The following FAM168B variants were observed in gnomAD, a reference collection of about 807,000 sequenced individuals.
FAM168B encodes the protein family with sequence similarity 168 member B.
In FAM168B, 19 loss-of-function variants were observed where a neutral mutation model predicts 21.8. That is an observed-to-expected ratio of 0.87 (90% CI 0.61 to 1.28). The LOEUF is 1.28. FAM168B is among the 50% of genes most tolerant of loss of function. FAM168B has a pLI of 0.00. For synonymous variants in FAM168B, 126 were observed against 104.8 expected (o/e 1.20, Z -1.24); for missense variants, 233 against 263.1 (o/e 0.89, Z 0.79).
At chr2:131,064,338 G>A (rs1286371044) in intron 3 of FAM168B, among the ~76,000 whole-genome samples, 3 of 152,030 alleles carry the variant, frequency 2.0e-5, no homozygotes, top group African/African-American at 7.2e-5. Context: ...TCAGAAGCCT[G>A]AAGTACATGT....
chr2:131,050,951 G>C lies in FAM168B; in HGVS notation c.*1514C>G. On this transcript the variant is annotated 3_prime_UTR_variant, in exon 7 of 7. Coordinates refer to ENST00000389915, the MANE Select transcript of FAM168B (RefSeq NM_001009993.4). Reference sequence around the variant, plus strand: ...CCCACTCTGACCCTCACTGAGAACCGACATGCACTCTCATGGATACAGGAC... The same window carrying C: ...CCCACTCTGACCCTCACTGAGAACCCACATGCACTCTCATGGATACAGGAC... 1 of 985,590 alleles carries C rather than the reference G, an allele frequency of 1.0e-6. No individual in the cohort carries two copies. 61.1% of individuals were successfully genotyped at this position (985,590 alleles called of 1,614,324 possible).
Position 131,073,285 on chromosome 2 carries a change from G to C in FAM168B, c.71-1347C>G, listed in dbSNP as rs536625396. ...TTTTTGTATTTTTAGTAGAGATGGG[G>C]TTTTGCCATGCTGGCCAGGCTGGTC... On this transcript the variant is annotated intron_variant, in intron 2 of 6. Coordinates refer to ENST00000389915, the MANE Select transcript of FAM168B (RefSeq NM_001009993.4). Among the ~76,000 whole-genome samples, 67 of 152,188 alleles carry C rather than the reference G, an allele frequency of 4.4e-4. No individual in the cohort carries two copies. In the East Asian group the frequency reaches 6.8e-3, roughly 15 times the overall value.
In FAM168B at chr2:131,048,533, A is replaced by C. The variant is rs1691437936; in HGVS notation, c.*3932T>G. On this transcript the variant is annotated 3_prime_UTR_variant, in exon 7 of 7. Transcript: ENST00000389915. ...CTCTCTTCTTCAAATAATGAGTAGG[A>C]AAAAGAGACAAACTTTCTGAAACAT... The C allele has an allele frequency of 8.9e-7, 1 of 1,120,396 alleles. No homozygotes were observed. 69.4% of individuals were successfully genotyped at this position (1,120,396 alleles called of 1,614,324 possible).
chr2:131,091,931 C>T (rs1425265823), intron 1 of FAM168B, among the ~76,000 whole-genome samples: 8 of 150,448 alleles, frequency 5.3e-5, no homozygotes, highest in Non-Finnish European at 1.2e-4. Flanking sequence ...AGATTGGGAC[C>T]ATCCTGGCTA....
At chr2:131,059,436 G>A (rs1573759539) in intron 3 of FAM168B, among the ~76,000 whole-genome samples, 2 of 152,104 alleles carry the variant, frequency 1.3e-5, no homozygotes, top group Non-Finnish European at 2.9e-5. Flanking sequence ...AGACACCAGC[G>A]GGTACCTTCA....
chr2:131,092,503 A>G lies in FAM168B; in HGVS notation c.-12+711T>C, dbSNP rs906878504. On this transcript the variant is annotated intron_variant, in intron 1 of 6. Coordinates refer to ENST00000389915, the MANE Select transcript of FAM168B (RefSeq NM_001009993.4). Reference sequence around the variant, plus strand: ...GATGACCTGAAAGTTTAAGGAGTGGAAACTATATAAACCTTTTTATTTATA... The same window carrying G: ...GATGACCTGAAAGTTTAAGGAGTGGGAACTATATAAACCTTTTTATTTATA... Among the ~76,000 whole-genome samples, 30 of 152,256 alleles carry G rather than the reference A, an allele frequency of 2.0e-4. 1 individual carries two copies. Among genetic ancestry groups the G allele is most frequent in the Non-Finnish European group, 4.1e-4 (28 of 68,048 alleles).
rs1484981962 is a variant in FAM168B, at chr2:131,049,711, T to C, written c.*2754A>G. 1.0e-6 allele frequency: 1 copy of C among 985,872 alleles called. No individual in the cohort carries two copies. Among genetic ancestry groups the C allele is most frequent in the Non-Finnish European group, 1.2e-6 (1 of 829,942 alleles). 61.1% of individuals were successfully genotyped at this position (985,872 alleles called of 1,614,324 possible). On this transcript the variant is annotated 3_prime_UTR_variant, in exon 7 of 7. Coordinates refer to ENST00000389915, the MANE Select transcript of FAM168B (RefSeq NM_001009993.4). ...CTAGGTCCTTTGCTTACCTGCTGTC[T>C]CAACTTCTAAAAGAATAGTAATTCA...
At chr2:131,075,630 G>A (rs900193791) in intron 2 of FAM168B, among the ~76,000 whole-genome samples, 6 of 152,142 alleles carry the variant, frequency 3.9e-5, no homozygotes, top group African/African-American at 1.2e-4. Flanking sequence ...GAGTGGCTAG[G>A]ACTACAGGGG....
At chr2:131,072,546 A>T (rs1329704585) in intron 2 of FAM168B, among the ~76,000 whole-genome samples, 4 of 150,198 alleles carry the variant, frequency 2.7e-5, no homozygotes, top group Admixed American at 6.6e-5. Flanking sequence ...GGCTCACTGC[A>T]ACCTCCGTTT....
In FAM168B at chr2:131,048,412, G is replaced by T. The variant is rs1191002895; in HGVS notation, c.*4053C>A. 7.9e-6 allele frequency: 10 copies of T among 1,262,180 alleles called. No individual in the cohort carries two copies. The highest frequency in any genetic ancestry group is 1.0e-5 in the Non-Finnish European group (10 of 963,140). 78.2% of individuals were successfully genotyped at this position (1,262,180 alleles called of 1,614,324 possible). On this transcript the variant is annotated 3_prime_UTR_variant, in exon 7 of 7. Transcript: ENST00000389915. Reference sequence around the variant, plus strand: ...CACCACCCTTCTGCAGGCCCGGGGGGGGGTCCCTACACAGACGCCGCTCAT... The same window carrying T: ...CACCACCCTTCTGCAGGCCCGGGGGTGGGTCCCTACACAGACGCCGCTCAT...
intron 1 of FAM168B, among the ~76,000 whole-genome samples, chr2:131,084,258 C>T (rs1456655696): frequency 2.8e-5 from 4 of 143,234 alleles, no homozygotes; most frequent in Non-Finnish European, 6.1e-5. Context: ...GGCACAATCT[C>T]AGCTCACTGC....
At chr2:131,077,351 G>A (rs1174628170) in intron 2 of FAM168B, among the ~76,000 whole-genome samples, 1 of 152,134 alleles carries the variant, frequency 6.6e-6, no homozygotes, top group Non-Finnish European at 1.5e-5. Context: ...AAGTATGTGG[G>A]TCAACAGTCT....
chr2:131,070,708 A>G (rs1692830255), intron 3 of FAM168B, among the ~76,000 whole-genome samples: 1 of 152,248 alleles, frequency 6.6e-6, no homozygotes, highest in Admixed American at 6.5e-5. Flanking sequence ...TCCATACAAC[A>G]AAATACTACC....
chr2:131,055,225 G>C, intron 5 of FAM168B, 47 bp downstream of exon 5: 1 of 1,440,598 alleles, frequency 6.9e-7, no homozygotes, highest in East Asian at 2.7e-5. Flanking sequence ...CCCTCCCCCA[G>C]CTCTAGGGTA....
chr2:131,081,305 G>C (rs991597431), intron 2 of FAM168B, among the ~76,000 whole-genome samples: 9 of 152,156 alleles, frequency 5.9e-5, no homozygotes, highest in African/African-American at 2.2e-4. Context: ...CCTCTTACTT[G>C]ATGGGAGGCA....
At chr2:131,084,473 T>A (rs2105579618) in intron 1 of FAM168B, among the ~76,000 whole-genome samples, 1 of 152,264 alleles carries the variant, frequency 6.6e-6, no homozygotes, top group South Asian at 2.1e-4. Context: ...TAGATGGGAC[T>A]ACAGGTGTGT....
At position 131,091,648 on chromosome 2, in the gene FAM168B, C is replaced by CA. The variant is rs560911182; in HGVS notation, c.-12+1565dup. Among the ~76,000 whole-genome samples the CA allele has an allele frequency of 7.8e-4, 98 of 125,192 alleles. 1 individual carries two copies. The highest frequency in any genetic ancestry group is 4.2e-3 in the Middle Eastern group (1 of 240). 82.1% of individuals were successfully genotyped at this position (125,192 alleles called of 152,430 possible). On this transcript the variant is annotated intron_variant, in intron 1 of 6. Transcript: ENST00000389915. ...GGCGACAGAGCGACACTCCGTCTCA[C>CA]AAAAAAAAAAAAGAAAAAAGAAAAG...
At chr2:131,088,312 G>A (rs550449519) in intron 1 of FAM168B, among the ~76,000 whole-genome samples, 5 of 152,022 alleles carry the variant, frequency 3.3e-5, no homozygotes, top group Admixed American at 6.6e-5. Context: ...GCAGGAGTAG[G>A]AGGGAATATG....
intron 3 of FAM168B, among the ~76,000 whole-genome samples, chr2:131,058,205 C>T (rs1692120716): frequency 6.6e-6 from 1 of 152,176 alleles, no homozygotes; most frequent in African/African-American, 2.4e-5. Flanking sequence ...ATTCACTAGT[C>T]TGGGGCCTTT....
Sources: gnomAD v4.1 joint callset for allele counts (sites outside exome capture counted in the v4.1 genomes callset) on GRCh38, gnomAD v4.1.1 for gene constraint, MANE v1.5 for transcripts, NCBI Gene and HGNC (gene_info 2026-07-23, HGNC 2026-07-21) for gene names.